Variants in GALNT13 observed in about 807,000 individuals in gnomAD.
GALNT13 encodes the protein UDP-GalNAc:polypeptide N-acetylgalactosaminyltransferase 13.
A neutral mutation model predicts 64.2 loss-of-function variants in GALNT13; 28 were observed. The ratio of observed to expected loss-of-function variants is 0.44; its 90% CI spans 0.32 to 0.60. The LOEUF (loss-of-function observed/expected upper bound fraction) is 0.60. GALNT13 is among the 20% of genes least tolerant of loss of function. The probability of loss-of-function intolerance (pLI) is 0.05; values close to 1 mark genes in which losing one functional copy is unlikely to be tolerated. For missense variants in GALNT13, 577 were observed against 669.8 expected (o/e 0.86, Z 1.53); for synonymous variants, 214 against 224.6 (o/e 0.95, Z 0.42).
chr2:153,825,607 G>GGTGTGTGT, the GALNT13 span, among the ~76,000 whole-genome samples: 15 of 114,826 alleles, frequency 1.3e-4, no homozygotes, highest in African/African-American at 5.2e-4. Flanking sequence ...TTCCATGAGT[G>GGTGTGTGT]CTGTGTGTGT....
At chr2:153,077,488 A>G in the GALNT13 span, among the ~76,000 whole-genome samples, 1 of 152,076 alleles carries the variant, frequency 6.6e-6, no homozygotes, top group Non-Finnish European at 1.5e-5. Flanking sequence ...AAGCAAAATA[A>G]ACAGATTGGT....
the GALNT13 span, among the ~76,000 whole-genome samples, chr2:153,652,999 C>A: frequency 6.6e-6 from 1 of 151,912 alleles, no homozygotes; most frequent in Admixed American, 6.6e-5. Context: ...CAGATACATA[C>A]ATATATGTAT....
chr2:153,669,589 G>A, the GALNT13 span, among the ~76,000 whole-genome samples: 1 of 152,118 alleles, frequency 6.6e-6, no homozygotes, highest in East Asian at 1.9e-4. Context: ...AACAGCTCTG[G>A]TCTACAGCTC....
At chr2:153,816,220 G>C in the GALNT13 span, among the ~76,000 whole-genome samples, 11 of 152,202 alleles carry the variant, frequency 7.2e-5, no homozygotes, top group Admixed American at 6.5e-4. Flanking sequence ...TCAGGGACAA[G>C]AGCCATCCGA....
chr2:154,186,734 A>G (rs1329942127), intron 4 of GALNT13, among the ~76,000 whole-genome samples: 2 of 152,154 alleles, frequency 1.3e-5, no homozygotes, highest in Non-Finnish European at 2.9e-5. Context: ...GTAGACTTAC[A>G]GGTTAAGCCC....
At chr2:154,201,787 G>A (rs1016788269) in intron 4 of GALNT13, among the ~76,000 whole-genome samples, 14 of 152,022 alleles carry the variant, frequency 9.2e-5, no homozygotes, top group Non-Finnish European at 1.9e-4. Flanking sequence ...TACAGAACAG[G>A]CATCTAATTG....
At chr2:153,554,830 C>T in the GALNT13 span, among the ~76,000 whole-genome samples, 18 of 152,222 alleles carry the variant, frequency 1.2e-4, no homozygotes, top group East Asian at 2.7e-3. Context: ...TACTCACATA[C>T]GCCCTTTGCT....
At chr2:154,269,301 AATTT>A (rs1307797101) in intron 8 of GALNT13, among the ~76,000 whole-genome samples, 2 of 152,118 alleles carry the variant, frequency 1.3e-5, no homozygotes, top group African/African-American at 4.8e-5. Flanking sequence ...CAGCCGTAAT[AATTT>A]ATTAGAAATC....
chr2:153,681,463 C>T, the GALNT13 span, among the ~76,000 whole-genome samples: 1 of 151,846 alleles, frequency 6.6e-6, no homozygotes, highest in Admixed American at 6.6e-5. Flanking sequence ...ATATTCTCCT[C>T]TTGAATACTA....
At chr2:154,370,900 G>A (rs1001052459) in intron 9 of GALNT13, among the ~76,000 whole-genome samples, 16 of 152,016 alleles carry the variant, frequency 1.1e-4, no homozygotes, top group African/African-American at 3.9e-4. Context: ...TTAAGTCTCA[G>A]GGCACAACAT....
At chr2:154,003,087 G>C (rs1340530331) in intron 3 of GALNT13, among the ~76,000 whole-genome samples, 2 of 152,124 alleles carry the variant, frequency 1.3e-5, no homozygotes. Flanking sequence ...GCTCCCTTTA[G>C]CACCAAGATA....
chr2:153,687,923 A>G, the GALNT13 span, among the ~76,000 whole-genome samples: 2 of 152,134 alleles, frequency 1.3e-5, no homozygotes, highest in African/African-American at 4.8e-5. Context: ...TTAATTTATG[A>G]AAATTAATAA....
At chr2:153,846,266 A>T in the GALNT13 span, among the ~76,000 whole-genome samples, 1 of 152,164 alleles carries the variant, frequency 6.6e-6, no homozygotes, top group Non-Finnish European at 1.5e-5. Flanking sequence ...TGGTGTTTAA[A>T]TATATGTAGA....
At chr2:154,263,297 C>T (rs1690803884) in intron 8 of GALNT13, among the ~76,000 whole-genome samples, 1 of 152,076 alleles carries the variant, frequency 6.6e-6, no homozygotes. Flanking sequence ...AGAAAGATAA[C>T]AGTACTTTCC....
the GALNT13 span, among the ~76,000 whole-genome samples, chr2:153,126,614 C>A: frequency 6.6e-6 from 1 of 152,122 alleles, no homozygotes; most frequent in African/African-American, 2.4e-5. Flanking sequence ...GATACTGTTT[C>A]ATTGAAAACT....
At chr2:154,282,868 A>G (rs1399781464) in intron 8 of GALNT13, among the ~76,000 whole-genome samples, 1 of 152,044 alleles carries the variant, frequency 6.6e-6, no homozygotes, top group Non-Finnish European at 1.5e-5. Flanking sequence ...TCTAGCCACC[A>G]CTCCCAAGTA....
chr2:153,372,031 A>G, the GALNT13 span, among the ~76,000 whole-genome samples: 3 of 152,142 alleles, frequency 2.0e-5, no homozygotes, highest in Non-Finnish European at 2.9e-5. Flanking sequence ...GTGAGGGACC[A>G]GTATGTTTCT....
At chr2:153,534,491 A>C in the GALNT13 span, among the ~76,000 whole-genome samples, 1 of 151,350 alleles carries the variant, frequency 6.6e-6, no homozygotes, top group African/African-American at 2.4e-5. Context: ...GGTTCTGATA[A>C]AATGCTAGCA....
At chr2:154,306,623 G>GT (rs924180167) in intron 9 of GALNT13, among the ~76,000 whole-genome samples, 4 of 149,832 alleles carry the variant, frequency 2.7e-5, no homozygotes, top group African/African-American at 9.8e-5. Context: ...TTTGGTGGGG[G>GT]GGGGGTCAAG....
Sources: gnomAD v4.1 joint callset for allele counts (sites outside exome capture counted in the v4.1 genomes callset) on GRCh38, gnomAD v4.1.1 for gene constraint, MANE v1.5 for transcripts, NCBI Gene and HGNC (gene_info 2026-07-23, HGNC 2026-07-21) for gene names.